The following ABCA10 variants were observed in gnomAD, a reference collection of about 807,000 sequenced individuals.
The protein encoded by ABCA10 is ATP binding cassette subfamily A member 10, also known as ATP-binding cassette sub-family A member 10.
In ABCA10, 169 loss-of-function variants were observed where a neutral mutation model predicts 187.5. The observed-to-expected ratio is 0.90, with a 90% CI of 0.80 to 1.02. The LOEUF (loss-of-function observed/expected upper bound fraction) is 1.02. Among genes scored for constraint, ABCA10 ranks in the 50% least tolerant of loss-of-function variants. ABCA10 has a pLI of 0.00. For missense variants in ABCA10, 1,727 were observed against 1,812.4 expected (o/e 0.95, Z 0.86); for synonymous variants, 574 against 601.8 (o/e 0.95, Z 0.68).
chr17:69,198,987 A>T (rs530867322), intron 10 of ABCA10, among the ~76,000 whole-genome samples: 1 of 152,272 alleles, frequency 6.6e-6, no homozygotes, highest in East Asian at 1.9e-4. Flanking sequence ...CCTACCTCTT[A>T]AAGTTAACCT....
chr17:69,223,728 C>T (rs2074770499), intron 3 of ABCA10: 3 of 408,150 alleles, frequency 7.4e-6, no homozygotes, highest in Non-Finnish European at 1.4e-5. Context: ...ATAAAAAATA[C>T]TGTCAAGGCC....
chr17:69,228,841 A>AATTG (rs2074812980), upstream of ABCA10: 1 of 152,016 alleles, frequency 6.6e-6, no homozygotes, highest in African/African-American at 2.4e-5. Context: ...TGAGCGCATC[A>AATTG]TTGGTATTTG....
At chr17:69,156,010 A>C (rs2074171703) in intron 28 of ABCA10, 85 bp from the exon 29 acceptor site, 3 of 1,399,550 alleles carry the variant, frequency 2.1e-6, no homozygotes, top group Non-Finnish European at 2.8e-6. Flanking sequence ...TTAAATTATT[A>C]TCCTTTTTAA....
At position 69,149,215 on chromosome 17, in the gene ABCA10, T is replaced by C. The variant is rs1455525472; in HGVS notation, c.4478-127A>G. On this transcript the variant is annotated intron_variant, in intron 37 of 38. Transcript: ENST00000690296. ...AAGATATAGGCCAAATAATTACATT[T>C]TCTTGAAGGATAAAGAAGAGTGGTG... is the stretch of plus-strand genomic sequence containing the variant. The C allele has an allele frequency of 2.3e-5, 23 of 991,776 alleles. No homozygotes were observed. The South Asian group carries it at 3.6e-4, about 15-fold the overall frequency. 61.4% of individuals were successfully genotyped at this position (991,776 alleles called of 1,614,324 possible). A position where few individuals can be genotyped will look rare whatever the true frequency, so the allele number is the denominator to read the frequency against.
In ABCA10 at chr17:69,149,879, TTTGA is replaced by T. The variant is rs1460188364; in HGVS notation, c.4477+101_4477+104del. ...CTATCCTGGTAGGGATTTTTCAAGT[TTTGA>T]TTGATTATTTCATTGTTCTACTTCA... On this transcript the variant is annotated intron_variant, in intron 37 of 38. Transcript: ENST00000690296. The T allele has an allele frequency of 1.4e-4, 124 of 891,914 alleles. 1 individual carries two copies. The Middle Eastern group carries it at 1.5e-3, about 11-fold the overall frequency. The allele number at this position is 891,914 out of a possible 1,614,324, so 55.2% of individuals were successfully genotyped here. A position where few individuals can be genotyped will look rare whatever the true frequency, so the allele number is the denominator to read the frequency against.
chr17:69,215,958 T>C lies in ABCA10; in HGVS notation c.715A>G (p.Met239Val), dbSNP rs2074700478. ...FLMSVLIRKP[M>V]LAGLAGFLFT... ...AGAAATCCAGCCAAACCAGCGAGCATAGGTTTCCTTATTAAAACACTCATG... is the reference window on the plus strand; with the variant it reads ...AGAAATCCAGCCAAACCAGCGAGCACAGGTTTCCTTATTAAAACACTCATG... The change falls in exon 8 of 39, where the codon ATG becomes GTG. Residue 239 changes from methionine to valine, a missense_variant. Met to Val is a conservative substitution (Grantham distance 21). Transcript: ENST00000690296. 4 of 1,613,450 alleles carry C rather than the reference T, an allele frequency of 2.5e-6. No individual in the cohort carries two copies. The East Asian group carries it at 6.7e-5, about 27-fold the overall frequency.
chr17:69,213,055 T>C (rs1202987892), intron 9 of ABCA10, among the ~76,000 whole-genome samples: 1 of 152,238 alleles, frequency 6.6e-6, no homozygotes, highest in Non-Finnish European at 1.5e-5. Flanking sequence ...TCAGGACCTC[T>C]GGTTAGCCAG....
chr17:69,151,850 T>C (rs1176798151), intron 36 of ABCA10, among the ~76,000 whole-genome samples, 193 bp downstream of exon 36: 1 of 152,228 alleles, frequency 6.6e-6, no homozygotes, highest in Non-Finnish European at 1.5e-5. Context: ...ATTCACCTTT[T>C]CTGAGGTCTA....
At chr17:69,209,311 TTATC>T (rs1433671050) in intron 9 of ABCA10, among the ~76,000 whole-genome samples, 1 of 125,518 alleles carries the variant, frequency 8.0e-6, no homozygotes, top group Non-Finnish European at 1.9e-5. Context: ...AGAAGAAACT[TTATC>T]TAATTAGAGA....
intron 1 of ABCA10, among the ~76,000 whole-genome samples, chr17:69,238,918 T>G (rs1159492715): frequency 3.9e-5 from 6 of 152,208 alleles, no homozygotes; most frequent in Non-Finnish European, 8.8e-5. Context: ...CCATTGATGA[T>G]CCATTCATTT....
At chr17:69,193,672 C>G (rs2074478303) in intron 13 of ABCA10, 60 bp from the exon 14 acceptor site, 6 of 1,548,534 alleles carry the variant, frequency 3.9e-6, no homozygotes, top group Non-Finnish European at 5.2e-6. Flanking sequence ...AGTTTTTACT[C>G]TCTAAAAATG....
intron 5 of ABCA10, 127 bp downstream of exon 5, chr17:69,221,665 T>A (rs2074748649): frequency 2.4e-6 from 2 of 837,728 alleles, no homozygotes; most frequent in South Asian, 4.4e-5. Flanking sequence ...CAGCTTTTGT[T>A]TTCTCTGAGG....
At position 69,180,168 on chromosome 17, in the gene ABCA10, A is replaced by G. The variant is rs1265810233; in HGVS notation, c.2769+1985T>C. Among the ~76,000 whole-genome samples the G allele has an allele frequency of 2.6e-5, 4 of 152,192 alleles. No individual in the cohort carries two copies. The East Asian group carries it at 7.7e-4, about 29-fold the overall frequency. ...ATTAAAATAAAAAAATTTTAAAGAC[A>G]GGACTATTACAGATTATCTGCTTGC... On this transcript the variant is annotated intron_variant, in intron 22 of 38. Transcript: ENST00000690296.
At chr17:69,160,392 A>T (rs2074206918) in intron 27 of ABCA10, among the ~76,000 whole-genome samples, 1 of 152,130 alleles carries the variant, frequency 6.6e-6, no homozygotes, top group Admixed American at 6.5e-5. Flanking sequence ...GTGAATCATG[A>T]GGTCAGGAGA....
upstream of ABCA10, among the ~76,000 whole-genome samples, chr17:69,229,727 C>G (rs1052626026): frequency 2.6e-5 from 4 of 151,648 alleles, no homozygotes; most frequent in Non-Finnish European, 5.9e-5. Flanking sequence ...TAATTGCTTT[C>G]CTTTGTTGTT....
At chr17:69,159,089 G>A (rs1598087630) in intron 27 of ABCA10, among the ~76,000 whole-genome samples, 1 of 151,656 alleles carries the variant, frequency 6.6e-6, no homozygotes, top group Non-Finnish European at 1.5e-5. Context: ...TATAAAACAG[G>A]AAAGGGTGAC....
At chr17:69,211,510 G>T (rs1358068150) in intron 9 of ABCA10, among the ~76,000 whole-genome samples, 2 of 151,362 alleles carry the variant, frequency 1.3e-5, no homozygotes, top group African/African-American at 2.4e-5. Context: ...ATTTAGGGAG[G>T]ATTCCCTCTT....
At chr17:69,223,713 G>A in intron 3 of ABCA10, 1 of 426,596 alleles carries the variant, frequency 2.3e-6, no homozygotes, top group Non-Finnish European at 4.6e-6. Context: ...ATTTTCTCTA[G>A]GGGTATAAAA....
intron 9 of ABCA10, among the ~76,000 whole-genome samples, chr17:69,211,314 GATATATATATATATATATATATATATAT>G (rs58580286): frequency 1.3e-4 from 4 of 30,362 alleles, no homozygotes; most frequent in Non-Finnish European, 2.6e-4. Context: ...TCATATATAT[GATATATATATATATATATATATATATAT>G]ATATATATAT....
Sources: allele counts gnomAD v4.1 joint callset (sites outside exome capture counted in the v4.1 genomes callset), GRCh38; gene constraint gnomAD v4.1.1; transcripts MANE v1.5; gene names NCBI Gene and HGNC (gene_info 2026-07-23, HGNC 2026-07-21).